Variants in ZNF44 observed in about 807,000 individuals in gnomAD.
The protein encoded by ZNF44 is gonadotropin inducible transcription repressor-2.
In ZNF44, 9 loss-of-function variants were observed where a neutral mutation model predicts 11.7. The observed-to-expected ratio is 0.77, with a 90% CI of 0.46 to 1.35. The LOEUF is 1.35. Ranked by LOEUF, ZNF44 falls within the 40% of genes most tolerant of loss-of-function variation. The pLI is 0.00. For synonymous variants in ZNF44, 224 were observed against 242.7 expected, an observed-to-expected ratio of 0.92 and a Z score of 0.72; for missense variants, 696 against 743.1, an observed-to-expected ratio of 0.94 and a Z score of 0.74.
chr19:12,294,234 C>A (rs1036388716), intron 1 of ZNF44, among the ~76,000 whole-genome samples: 6 of 152,190 alleles, frequency 3.9e-5, no homozygotes. Flanking sequence ...ACTTCTCCAC[C>A]AACCAGCGAC....
At position 12,272,903 on chromosome 19, in the gene ZNF44, C is replaced by T. The variant is rs769037762; in HGVS notation, c.1352G>A (p.Cys451Tyr). 6.2e-7 allele frequency: 1 copy of T among 1,614,104 alleles called. No homozygotes were observed. The highest frequency in any genetic ancestry group is 1.7e-5 in the Admixed American group (1 of 60,012). The stretch of plus-strand genomic sequence containing the variant: ...ATCACTAAAAGCTTTTCCACATTTA[C>T]ATTTATAGGGTTGCTCTCCAGTGTG... ...TTHTGEQPYK[C>Y]KCGKAFSDLF... is the part of the protein sequence containing the mutation. The change falls in exon 4 of 4, where the codon TGT becomes TAT. Residue 451 changes from cysteine to tyrosine, a missense_variant. Physicochemically the swap from Cys to Tyr is radical, Grantham distance 194. Transcript: ENST00000355684.
At chr19:12,270,220 T>C (rs187053496), downstream of ZNF44, among the ~76,000 whole-genome samples, 517 of 152,216 alleles carry the variant, frequency 3.4e-3, 1 homozygote, top group African/African-American at 0.012. Flanking sequence ...CATTCCTCCT[T>C]TCAGTGGGAA....
intron 2 of ZNF44, 32 bp downstream of exon 2, chr19:12,275,924 T>C (rs369415750): frequency 8.9e-6 from 14 of 1,565,484 alleles, no homozygotes; most frequent in South Asian, 5.7e-5. Flanking sequence ...ATGTCTCTAA[T>C]TGACCAAATG....
chr19:12,250,429 T>G, intron 5 of ZNF44: 1 of 1,248,768 alleles, frequency 8.0e-7, no homozygotes, highest in Non-Finnish European at 1.0e-6. Flanking sequence ...TGGACATCTA[T>G]ACTCGAGTCA....
At chr19:12,260,044 AT>A in intron 5 of ZNF44, 1 of 494,954 alleles carries the variant, frequency 2.0e-6, no homozygotes. Flanking sequence ...CACTCTTTAC[AT>A]TTGGGGCAAC....
intron 3 of ZNF44, among the ~76,000 whole-genome samples, chr19:12,274,325 G>A (rs886540387): frequency 1.2e-4 from 17 of 139,708 alleles, no homozygotes; most frequent in Non-Finnish European, 2.0e-4. Flanking sequence ...AGGCTGGAGT[G>A]CAGCTGGTGC....
downstream of ZNF44, among the ~76,000 whole-genome samples, chr19:12,245,470 C>T (rs1347738589): frequency 1.3e-5 from 2 of 152,188 alleles, no homozygotes; most frequent in South Asian, 2.1e-4. Context: ...GAAATTCTCA[C>T]GATCTGCCTG....
At chr19:12,230,254 C>A (rs897745460) in intron 3 of ZNF44, among the ~76,000 whole-genome samples, 1 of 152,118 alleles carries the variant, frequency 6.6e-6, no homozygotes, top group Non-Finnish European at 1.5e-5. Flanking sequence ...AAGAAGAAGC[C>A]GAGGGTGTCT....
intron 5 of ZNF44, among the ~76,000 whole-genome samples, chr19:12,262,586 A>G (rs1168169466): frequency 6.6e-6 from 1 of 152,138 alleles, no homozygotes; most frequent in African/African-American, 2.4e-5. Flanking sequence ...CATTTTTCTT[A>G]AAGAGTAGAG....
downstream of ZNF44, among the ~76,000 whole-genome samples, chr19:12,267,069 T>C (rs982092660): frequency 6.7e-6 from 1 of 149,220 alleles, no homozygotes; most frequent in African/African-American, 2.5e-5. Flanking sequence ...AGACAGAGTC[T>C]TGCTCTGTCG....
At chr19:12,253,151 A>AGT (rs932527697) in intron 5 of ZNF44, among the ~76,000 whole-genome samples, 1 of 149,430 alleles carries the variant, frequency 6.7e-6, no homozygotes, top group Non-Finnish European at 1.5e-5. Flanking sequence ...AGCCGCCCGA[A>AGT]GTGCTGGGAT....
intron 5 of ZNF44, among the ~76,000 whole-genome samples, chr19:12,262,199 C>T (rs1390537374): frequency 6.6e-6 from 1 of 152,112 alleles, no homozygotes; most frequent in Non-Finnish European, 1.5e-5. Flanking sequence ...TGAGTAGTTT[C>T]CATCGTATCA....
chr19:12,251,397 G>A lies in ZNF44; in HGVS notation c.1913-1029C>T, dbSNP rs543723645. 8.5e-5 allele frequency among the ~76,000 whole-genome samples: 13 copies of A among 152,090 alleles called. No homozygotes were observed. The East Asian group carries it at 1.5e-3, about 18-fold the overall frequency. On this transcript the variant is annotated intron_variant and NMD_transcript_variant, in intron 5 of 7. Coordinates refer to the ZNF44 transcript ENST00000393337. ...TAATCCCAGCTACTCAGGGGGCTGA[G>A]GCACGAGAATAGCTTGAGCCTGGGA...
intron 1 of ZNF44, chr19:12,237,420 GC>G: frequency 6.2e-6 from 1 of 162,022 alleles, no homozygotes. Context: ...GTCCCAACCA[GC>G]CCCTCCTCCC....
intron 5 of ZNF44, among the ~76,000 whole-genome samples, chr19:12,255,091 AACACACACACAC>A (rs140940065): frequency 2.1e-4 from 31 of 145,732 alleles, no homozygotes; most frequent in East Asian, 2.1e-4. Context: ...TCCGTCTCAA[AACACACACACAC>A]ACACACACAC....
chr19:12,263,997 G>A (rs537674731), intron 5 of ZNF44, among the ~76,000 whole-genome samples: 1 of 152,258 alleles, frequency 6.6e-6, no homozygotes, highest in African/African-American at 2.4e-5. Context: ...GGAGGCTGAG[G>A]TGGGAGGATC....
At chr19:12,283,573 C>T (rs1255456748) in intron 1 of ZNF44, among the ~76,000 whole-genome samples, 1 of 152,188 alleles carries the variant, frequency 6.6e-6, no homozygotes, top group East Asian at 1.9e-4. Flanking sequence ...TCATGATCCG[C>T]CCTCCTCGGC....
At chr19:12,266,100 G>C (rs966610190) in intron 5 of ZNF44, among the ~76,000 whole-genome samples, 1 of 152,104 alleles carries the variant, frequency 6.6e-6, no homozygotes, top group Non-Finnish European at 1.5e-5. Context: ...CCGGGGTCCC[G>C]ACTGCCGGCC....
In ZNF44 at chr19:12,275,876, T is replaced by A; in HGVS notation, c.130+80A>T. 3 of 1,465,666 alleles carry A rather than the reference T, an allele frequency of 2.0e-6. No individual in the cohort carries two copies. In the South Asian group the frequency reaches 3.8e-5, roughly 19 times the overall value. 90.8% of individuals were successfully genotyped at this position (1,465,666 alleles called of 1,614,324 possible). On this transcript the variant is annotated intron_variant, in intron 2 of 3. Coordinates refer to ENST00000355684, the MANE Select transcript of ZNF44 (RefSeq NM_016264.4). ...GAATGAACTGTATCCCTTTTCCATA[T>A]TTCAAATCACTGAACAGCATTGATG...
Sources: gnomAD v4.1 joint callset for allele counts (sites outside exome capture counted in the v4.1 genomes callset) on GRCh38, gnomAD v4.1.1 for gene constraint, MANE v1.5 for transcripts, NCBI Gene and HGNC (gene_info 2026-07-23, HGNC 2026-07-21) for gene names.